CADM2: variants seen among roughly 807,000 people sequenced by gnomAD.
CADM2 encodes cell adhesion molecule 2.
Under a neutral mutation model 49.8 loss-of-function variants are expected in CADM2, and 12 were observed. That is an observed-to-expected ratio of 0.24 (90% CI 0.15 to 0.39). The LOEUF (loss-of-function observed/expected upper bound fraction) is 0.39, where lower values mean the gene tolerates loss of function less well. Among genes scored for constraint, CADM2 ranks in the 10% least tolerant of loss-of-function variants. The probability of loss-of-function intolerance (pLI) is 1.00; values close to 1 mark genes in which losing one functional copy is unlikely to be tolerated. For synonymous variants in CADM2, 214 were observed against 175.4 expected (o/e 1.22, Z -1.74); for missense variants, 378 against 492.3 (o/e 0.77, Z 2.20).
intron 1 of CADM2, among the ~76,000 whole-genome samples, chr3:85,446,605 T>TG (rs1188600014): frequency 0.011 from 454 of 42,766 alleles, 3 homozygotes; most frequent in African/African-American, 0.013. Context: ...TTGTTTTTTG[T>TG]TTTTTTTTTT....
At chr3:86,016,167 T>C (rs572690850) in intron 8 of CADM2, among the ~76,000 whole-genome samples, 99 of 152,234 alleles carry the variant, frequency 6.5e-4, no homozygotes, top group African/African-American at 2.3e-3. Flanking sequence ...ATTCTAATAC[T>C]ATAGTGGTAA....
chr3:85,848,320 T>A (rs2074964934), intron 3 of CADM2, among the ~76,000 whole-genome samples: 1 of 152,042 alleles, frequency 6.6e-6, no homozygotes, highest in Non-Finnish European at 1.5e-5. Flanking sequence ...GGACAAAAGG[T>A]TAGGGTGTGA....
At chr3:85,477,158 A>G (rs2039008057) in intron 1 of CADM2, among the ~76,000 whole-genome samples, 1 of 150,804 alleles carries the variant, frequency 6.6e-6, no homozygotes, top group Non-Finnish European at 1.5e-5. Context: ...AGAATACCAC[A>G]CTGTCAAAAA....
intron 1 of CADM2, among the ~76,000 whole-genome samples, chr3:85,453,413 G>A (rs947719774): frequency 2.7e-4 from 41 of 151,848 alleles, no homozygotes; most frequent in African/African-American, 4.8e-4. Context: ...AGTGGTTATC[G>A]TATTCTTAAT....
intron 1 of CADM2, among the ~76,000 whole-genome samples, chr3:85,329,496 G>T (rs1235624501): frequency 6.6e-6 from 1 of 152,030 alleles, no homozygotes; most frequent in Non-Finnish European, 1.5e-5. Context: ...CTTGAACCCA[G>T]GGGGCGGAGG....
intron 1 of CADM2, among the ~76,000 whole-genome samples, chr3:85,011,925 G>A (rs1311486018): frequency 2.6e-5 from 4 of 152,070 alleles, no homozygotes; most frequent in Non-Finnish European, 4.4e-5. Context: ...CATGACATGT[G>A]CCTGCTGTTT....
chr3:85,632,802 G>T (rs544405125), intron 1 of CADM2, among the ~76,000 whole-genome samples: 1 of 152,036 alleles, frequency 6.6e-6, no homozygotes, highest in East Asian at 1.9e-4. Context: ...TTTATAGAAG[G>T]TAGACTTGAA....
At chr3:85,756,775 G>T (rs937943210) in intron 2 of CADM2, among the ~76,000 whole-genome samples, 1 of 151,926 alleles carries the variant, frequency 6.6e-6, no homozygotes, top group African/African-American at 2.4e-5. Context: ...GAACAGTATC[G>T]AATAGTTTTT....
chr3:85,763,880 G>A (rs1020062967), intron 2 of CADM2, among the ~76,000 whole-genome samples: 1 of 151,984 alleles, frequency 6.6e-6, no homozygotes, highest in Non-Finnish European at 1.5e-5. Flanking sequence ...TTGCCTGGCA[G>A]TCTTACCACA....
chr3:84,993,402 G>C (rs939564851), intron 1 of CADM2, among the ~76,000 whole-genome samples: 11 of 152,080 alleles, frequency 7.2e-5, no homozygotes, highest in African/African-American at 2.7e-4. Context: ...TTCTTGACAA[G>C]GAAAAAGGAA....
At chr3:85,407,684 G>T (rs752695818) in intron 1 of CADM2, among the ~76,000 whole-genome samples, 1 of 152,230 alleles carries the variant, frequency 6.6e-6, no homozygotes, top group East Asian at 1.9e-4. Flanking sequence ...AGATTGTGAA[G>T]AATTAATGAG....
intron 2 of CADM2, among the ~76,000 whole-genome samples, chr3:85,736,700 C>T (rs1350416580): frequency 6.6e-6 from 1 of 151,742 alleles, no homozygotes; most frequent in African/African-American, 2.4e-5. Flanking sequence ...AATGGGAAGC[C>T]ATTAAGTGGT....
At chr3:85,600,339 A>G (rs1446803081) in intron 1 of CADM2, among the ~76,000 whole-genome samples, 2 of 151,976 alleles carry the variant, frequency 1.3e-5, no homozygotes, top group African/African-American at 2.4e-5. Context: ...TGTAAAGTCC[A>G]TTAGGGTAGG....
At chr3:85,448,934 C>G (rs186764262) in intron 1 of CADM2, among the ~76,000 whole-genome samples, 5 of 151,642 alleles carry the variant, frequency 3.3e-5, no homozygotes, top group Admixed American at 3.3e-4. Flanking sequence ...CCTGTAATCC[C>G]AGCTACGTTG....
At chr3:85,324,089 T>A (rs2044686628) in intron 1 of CADM2, among the ~76,000 whole-genome samples, 1 of 152,186 alleles carries the variant, frequency 6.6e-6, no homozygotes, top group Non-Finnish European at 1.5e-5. Context: ...GAGGACAGAG[T>A]CCATTTTATA....
At chr3:85,659,343 A>C (rs73845610) in intron 1 of CADM2, among the ~76,000 whole-genome samples, 1,704 of 152,054 alleles carry the variant, frequency 0.011, 38 homozygotes, top group African/African-American at 0.039. Flanking sequence ...ATTGGGTAAC[A>C]ACTAAAACTT....
At chr3:85,584,831 T>C (rs1403990841) in intron 1 of CADM2, among the ~76,000 whole-genome samples, 2 of 152,030 alleles carry the variant, frequency 1.3e-5, no homozygotes, top group Non-Finnish European at 2.9e-5. Flanking sequence ...ATTCCATCAT[T>C]CCTGAAATTT....
chr3:85,447,299 TC>T (rs2037515054), intron 1 of CADM2, among the ~76,000 whole-genome samples: 1 of 151,972 alleles, frequency 6.6e-6, no homozygotes, highest in African/African-American at 2.4e-5. Flanking sequence ...ATAATTCAGT[TC>T]TTGTCATTTA....
chr3:85,411,432 C>T (rs2035650605), intron 1 of CADM2, among the ~76,000 whole-genome samples: 1 of 152,120 alleles, frequency 6.6e-6, no homozygotes, highest in Admixed American at 6.5e-5. Flanking sequence ...AATGAAAGTT[C>T]AGTATACTTT....
Sources: allele counts gnomAD v4.1 joint callset (sites outside exome capture counted in the v4.1 genomes callset), GRCh38; gene constraint gnomAD v4.1.1; transcripts MANE v1.5; gene names NCBI Gene and HGNC (gene_info 2026-07-23, HGNC 2026-07-21).